The following TMEM163 variants were observed in gnomAD, a reference collection of about 807,000 sequenced individuals.
The protein encoded by TMEM163 is transmembrane protein 163.
A neutral mutation model predicts 29.3 loss-of-function variants in TMEM163; 17 were observed. The observed-to-expected ratio is 0.58, with a 90% CI of 0.40 to 0.87. The LOEUF (loss-of-function observed/expected upper bound fraction) is 0.87, where lower values mean the gene tolerates loss of function less well. Ranked by LOEUF, TMEM163 falls within the 40% of genes least tolerant of loss-of-function variation. The probability of loss-of-function intolerance (pLI) is 0.00; values close to 1 mark genes in which losing one functional copy is unlikely to be tolerated. For synonymous variants in TMEM163, 157 were observed against 160.6 expected, an observed-to-expected ratio of 0.98 and a Z score of 0.17; for missense variants, 303 against 381.5, an observed-to-expected ratio of 0.79 and a Z score of 1.71.
chr2:134,484,507 G>C (rs932947433), intron 5 of TMEM163, among the ~76,000 whole-genome samples: 10 of 151,866 alleles, frequency 6.6e-5, no homozygotes, highest in African/African-American at 2.4e-4. Context: ...CCCATCTCTA[G>C]GAAATATTTA....
At chr2:134,472,217 T>A (rs1057090585) in intron 5 of TMEM163, among the ~76,000 whole-genome samples, 17 of 152,182 alleles carry the variant, frequency 1.1e-4, no homozygotes, top group Non-Finnish European at 1.9e-4. Context: ...TAAGACATAT[T>A]CAGGGGAAAG....
intron 2 of TMEM163, among the ~76,000 whole-genome samples, chr2:134,619,385 T>C (rs1464781362): frequency 6.6e-6 from 1 of 152,152 alleles, no homozygotes; most frequent in East Asian, 1.9e-4. Flanking sequence ...TCTAGCAACA[T>C]ATAAACAGGA....
chr2:134,500,032 C>A (rs1679664956), intron 5 of TMEM163, among the ~76,000 whole-genome samples: 1 of 152,186 alleles, frequency 6.6e-6, no homozygotes. Context: ...TAGGTTTCCA[C>A]TTCCTTTTTA....
At chr2:134,666,698 C>A (rs775468857) in intron 2 of TMEM163, among the ~76,000 whole-genome samples, 3 of 152,170 alleles carry the variant, frequency 2.0e-5, no homozygotes. Context: ...AACCTAGTTC[C>A]ACCAATTCCT....
intron 5 of TMEM163, among the ~76,000 whole-genome samples, chr2:134,492,676 T>C (rs1467945816): frequency 6.6e-6 from 1 of 152,228 alleles, no homozygotes; most frequent in African/African-American, 2.4e-5. Context: ...CATCACCGCA[T>C]GCGTCAGTAG....
In TMEM163 at chr2:134,534,307, A is replaced by G. The variant is rs1680481358; in HGVS notation, c.458+16263T>C. Among the ~76,000 whole-genome samples, 2 of 152,178 alleles carry G rather than the reference A, an allele frequency of 1.3e-5. 1 individual carries two copies. The highest frequency in any genetic ancestry group is 1.3e-4 in the Admixed American group (2 of 15,272). On this transcript the variant is annotated intron_variant, in intron 4 of 7. Transcript: ENST00000281924. ...ATGCTACCTTCTCACATAGGAAACA[A>G]AATGTAGGCTACACCAACAGAACAG...
intron 4 of TMEM163, among the ~76,000 whole-genome samples, chr2:134,516,970 T>C (rs1680084167): frequency 6.6e-6 from 1 of 151,954 alleles, no homozygotes; most frequent in African/African-American, 2.4e-5. Context: ...GGTTATGTGT[T>C]TAGTGGATTA....
chr2:134,576,442 C>A (rs889940988), intron 2 of TMEM163, among the ~76,000 whole-genome samples: 1 of 152,188 alleles, frequency 6.6e-6, no homozygotes, highest in Non-Finnish European at 1.5e-5. Flanking sequence ...TTTTAGCTGA[C>A]AGAATTAAGC....
At chr2:134,707,495 T>C (rs1214796746) in intron 2 of TMEM163, among the ~76,000 whole-genome samples, 3 of 152,166 alleles carry the variant, frequency 2.0e-5, no homozygotes, top group Admixed American at 2.0e-4. Flanking sequence ...TTCAGTAAAA[T>C]AAATACACGA....
intron 5 of TMEM163, among the ~76,000 whole-genome samples, chr2:134,478,352 A>C (rs1317809253): frequency 6.6e-6 from 1 of 152,228 alleles, no homozygotes; most frequent in Non-Finnish European, 1.5e-5. Context: ...CTAGAAGGGA[A>C]AGTTTGGAAT....
intron 5 of TMEM163, among the ~76,000 whole-genome samples, chr2:134,477,739 C>A (rs1409316351): frequency 1.3e-5 from 2 of 152,110 alleles, no homozygotes; most frequent in African/African-American, 4.8e-5. Context: ...ACAAGGAAGT[C>A]TGTGATGAAT....
At chr2:134,591,031 T>C (rs926844782) in intron 2 of TMEM163, among the ~76,000 whole-genome samples, 9 of 152,078 alleles carry the variant, frequency 5.9e-5, no homozygotes, top group African/African-American at 2.2e-4. Flanking sequence ...CAAAGCAATA[T>C]GGAGTAACTC....
At chr2:134,556,646 C>T (rs57253196) in intron 2 of TMEM163, among the ~76,000 whole-genome samples, 2,927 of 152,124 alleles carry the variant, frequency 0.019, 78 homozygotes, top group African/African-American at 0.064. Flanking sequence ...ATAGTGAGAC[C>T]TCATCTCTAC....
intron 2 of TMEM163, among the ~76,000 whole-genome samples, chr2:134,643,716 A>G (rs993139332): frequency 2.6e-5 from 4 of 152,010 alleles, no homozygotes; most frequent in African/African-American, 7.2e-5. Flanking sequence ...CTGGGAGCTG[A>G]TAAGAATGTT....
intron 2 of TMEM163, among the ~76,000 whole-genome samples, chr2:134,640,277 G>C (rs1231337607): frequency 6.6e-6 from 1 of 151,982 alleles, no homozygotes; most frequent in African/African-American, 2.4e-5. Flanking sequence ...CTAACAAACT[G>C]ATGAAAAATA....
At chr2:134,647,208 T>C (rs1209810242) in intron 2 of TMEM163, among the ~76,000 whole-genome samples, 1 of 152,356 alleles carries the variant, frequency 6.6e-6, no homozygotes, top group East Asian at 1.9e-4. Flanking sequence ...GATTATTATC[T>C]TCCAGTTCAT....
intron 4 of TMEM163, among the ~76,000 whole-genome samples, chr2:134,545,822 G>A (rs552699841): frequency 4.0e-4 from 61 of 152,216 alleles, no homozygotes; most frequent in African/African-American, 1.4e-3. Flanking sequence ...AGTACCCCAC[G>A]CCAACAATTA....
At chr2:134,551,376 T>A (rs903170074) in intron 3 of TMEM163, among the ~76,000 whole-genome samples, 1 of 152,026 alleles carries the variant, frequency 6.6e-6, no homozygotes, top group Non-Finnish European at 1.5e-5. Flanking sequence ...TATCAAGTTC[T>A]CACAACAAAG....
At chr2:134,492,308 C>T (rs1339273151) in intron 5 of TMEM163, among the ~76,000 whole-genome samples, 3 of 152,264 alleles carry the variant, frequency 2.0e-5, no homozygotes, top group Admixed American at 6.5e-5. Context: ...GGCTTAGCAA[C>T]GGGAGATGGT....
Sources: allele counts gnomAD v4.1 joint callset (sites outside exome capture counted in the v4.1 genomes callset), GRCh38; gene constraint gnomAD v4.1.1; transcripts MANE v1.5; gene names NCBI Gene and HGNC (gene_info 2026-07-23, HGNC 2026-07-21).